Variants in ABI3BP observed in about 807,000 individuals in gnomAD.
The protein encoded by ABI3BP is ABI family member 3 binding protein, also known as target of Nesh-SH3.
A neutral mutation model predicts 268.6 loss-of-function variants in ABI3BP; 216 were observed. That is an observed-to-expected ratio of 0.80 (90% CI 0.72 to 0.90). The LOEUF is 0.90. ABI3BP is among the 40% of genes least tolerant of loss of function. The pLI, the probability that ABI3BP is intolerant of heterozygous loss-of-function variation, is 0.00. For synonymous variants in ABI3BP, 730 were observed against 730.0 expected, an observed-to-expected ratio of 1.00 and a Z score of 0.00; for missense variants, 2,090 against 2,182.4, an observed-to-expected ratio of 0.96 and a Z score of 0.84.
intron 51 of ABI3BP, among the ~76,000 whole-genome samples, chr3:100,798,801 C>T (rs2097433875): frequency 6.6e-6 from 1 of 152,146 alleles, no homozygotes; most frequent in Admixed American, 6.6e-5. Context: ...TTTACCCTGG[C>T]AATAGGCTAC....
At chr3:100,778,435 G>C in intron 58 of ABI3BP, 59 bp from the exon 59 acceptor site, 1 of 1,443,648 alleles carries the variant, frequency 6.9e-7, no homozygotes, top group African/African-American at 1.4e-5. Context: ...ATTCATTATC[G>C]AAAAAAACAG....
chr3:100,788,247 G>C (rs1324138130), intron 56 of ABI3BP, among the ~76,000 whole-genome samples: 1 of 152,110 alleles, frequency 6.6e-6, no homozygotes, highest in Non-Finnish European at 1.5e-5. Flanking sequence ...AGGTACAGAG[G>C]TTTCATTATA....
chr3:100,846,259 G>C (rs2098766981), intron 20 of ABI3BP, 113 bp downstream of exon 20: 1 of 786,644 alleles, frequency 1.3e-6, no homozygotes, highest in Non-Finnish European at 2.0e-6. Flanking sequence ...ACTTTTCATG[G>C]AAAAATGTAA....
In ABI3BP at chr3:100,749,918, A is replaced by G. The variant is rs1240390315; in HGVS notation, c.*577T>C. The G allele has an allele frequency of 5.1e-6, 2 of 392,736 alleles. No homozygotes were observed. Among genetic ancestry groups the G allele is most frequent in the African/African-American group, 4.1e-5 (2 of 48,504 alleles). 24.3% of individuals were successfully genotyped at this position (392,736 alleles called of 1,614,324 possible). On this transcript the variant is annotated 3_prime_UTR_variant, in exon 68 of 68. Coordinates refer to ENST00000471714, the MANE Select transcript of ABI3BP (RefSeq NM_001375547.2). ...TTAAAGGAAATGTATATTAGCATGAATGTGTAACTATTAAACTCCTCCGCA... is the reference window on the plus strand; with the variant it reads ...TTAAAGGAAATGTATATTAGCATGAGTGTGTAACTATTAAACTCCTCCGCA...
intron 24 of ABI3BP, among the ~76,000 whole-genome samples, chr3:100,839,266 G>A (rs2098655745): frequency 1.3e-5 from 2 of 152,178 alleles, no homozygotes; most frequent in South Asian, 4.1e-4. Flanking sequence ...TGAGCACAGA[G>A]GTCCCTGTCT....
chr3:100,759,779 A>G (rs2095841832), intron 63 of ABI3BP, among the ~76,000 whole-genome samples: 1 of 152,188 alleles, frequency 6.6e-6, no homozygotes, highest in African/African-American at 2.4e-5. Flanking sequence ...CAATCAAGTC[A>G]ATTTCTTCTT....
intron 1 of ABI3BP, chr3:100,945,541 C>A: frequency 2.5e-6 from 1 of 398,048 alleles, no homozygotes; most frequent in Non-Finnish European, 4.9e-6. Context: ...CACTGGTCTA[C>A]TTTCTGCTTT....
chr3:100,923,622 A>G (rs2060937465), intron 2 of ABI3BP, among the ~76,000 whole-genome samples: 1 of 152,226 alleles, frequency 6.6e-6, no homozygotes, highest in East Asian at 1.9e-4. Context: ...ACTCATAACA[A>G]TGAAAATTTA....
chr3:100,864,305 A>C (rs1051543202), intron 11 of ABI3BP: 10 of 526,408 alleles, frequency 1.9e-5, no homozygotes, highest in Non-Finnish European at 3.4e-5. Context: ...ATTACAGAAC[A>C]AAACACATGC....
chr3:100,864,741 G>GT (rs2099033003), intron 11 of ABI3BP, 92 bp downstream of exon 11: 2 of 915,380 alleles, frequency 2.2e-6, no homozygotes, highest in Non-Finnish European at 3.3e-6. Context: ...GGAGAGAGAA[G>GT]TTAAGGCACC....
chr3:100,850,608 AT>A (rs367961075), intron 16 of ABI3BP, 51 bp downstream of exon 16: 42,696 of 954,970 alleles, frequency 0.045, 1 homozygote, highest in South Asian at 0.061. Context: ...CATTCACATG[AT>A]TTTTTTTTTT....
intron 63 of ABI3BP, among the ~76,000 whole-genome samples, chr3:100,755,977 GA>G (rs34096849): frequency 1.3e-5 from 2 of 151,956 alleles, no homozygotes; most frequent in African/African-American, 4.8e-5. Flanking sequence ...AAATGAGCAG[GA>G]AAAAAAATTT....
chr3:100,945,175 T>A (rs1302643156), intron 1 of ABI3BP, among the ~76,000 whole-genome samples: 1 of 151,194 alleles, frequency 6.6e-6, no homozygotes, highest in Non-Finnish European at 1.5e-5. Context: ...CAGAAAATAA[T>A]TTTTTAAGGA....
chr3:100,844,510 G>A (rs1004953437), intron 20 of ABI3BP: 1 of 961,876 alleles, frequency 1.0e-6, no homozygotes, highest in Non-Finnish European at 1.2e-6. Context: ...AAAAATAGAA[G>A]AGTGTGCGGA....
At chr3:100,954,163 A>G (rs1381720714) in intron 1 of ABI3BP, among the ~76,000 whole-genome samples, 4 of 152,186 alleles carry the variant, frequency 2.6e-5, no homozygotes, top group Non-Finnish European at 4.4e-5. Flanking sequence ...ATTATTATTA[A>G]TTTCTTTTAA....
At chr3:100,886,369 C>T in intron 4 of ABI3BP, 46 bp from the exon 5 acceptor site, 1 of 1,298,544 alleles carries the variant, frequency 7.7e-7, no homozygotes, top group Admixed American at 3.1e-5. Flanking sequence ...CAGAGGGATT[C>T]AGAATGTTAT....
chr3:100,909,342 G>A (rs1210726371), intron 2 of ABI3BP, among the ~76,000 whole-genome samples: 1 of 152,016 alleles, frequency 6.6e-6, no homozygotes, highest in Admixed American at 6.5e-5. Flanking sequence ...TCAGGACATA[G>A]GCATGGGCAA....
At chr3:100,829,438 C>T (rs2098446594) in intron 33 of ABI3BP, 143 bp downstream of exon 33, 11 of 618,022 alleles carry the variant, frequency 1.8e-5, no homozygotes. Flanking sequence ...AGGAATTTGG[C>T]TACCACGTCA....
At chr3:100,928,227 C>A (rs1025909454) in intron 1 of ABI3BP, among the ~76,000 whole-genome samples, 3 of 151,966 alleles carry the variant, frequency 2.0e-5, no homozygotes, top group Admixed American at 6.6e-5. Flanking sequence ...GGATTCTGAA[C>A]CTGGATTATG....
Sources: gnomAD v4.1 joint callset for allele counts (sites outside exome capture counted in the v4.1 genomes callset) on GRCh38, gnomAD v4.1.1 for gene constraint, MANE v1.5 for transcripts, NCBI Gene and HGNC (gene_info 2026-07-23, HGNC 2026-07-21) for gene names.